The following AXIN2 variants were observed in gnomAD, a reference collection of about 807,000 sequenced individuals.
AXIN2 encodes axin-2.
A neutral mutation model predicts 74.7 loss-of-function variants in AXIN2; 21 were observed. The observed-to-expected ratio is 0.28, with a 90% confidence interval of 0.20 to 0.40. The LOEUF (loss-of-function observed/expected upper bound fraction) is 0.40, where lower values mean the gene tolerates loss of function less well. Ranked by LOEUF, AXIN2 falls within the 10% of genes least tolerant of loss-of-function variation. The probability of loss-of-function intolerance (pLI) is 1.00; values close to 1 mark genes in which losing one functional copy is unlikely to be tolerated. For missense variants in AXIN2, 1,144 were observed against 1,111.1 expected (o/e 1.03, Z -0.42); for synonymous variants, 532 against 454.9 (o/e 1.17, Z -2.16).
chr17:65,536,949 G>A lies in AXIN2; in HGVS notation c.1827C>T (p.Pro609=), dbSNP rs747605090. Residue 609 remains proline, a synonymous_variant, in exon 7 of 11, where the codon CCC becomes CCT. Transcript: ENST00000307078. Reference sequence around the variant, plus strand: ...CCTGCGACCTGTCTCCTTCCTCCCGGGGAAGCTGCAGGGCCCCAGCTCCGC... The same window carrying A: ...CCTGCGACCTGTCTCCTTCCTCCCGAGGAAGCTGCAGGGCCCCAGCTCCGC... ...APGGAGALQL[P]REEGDRSQDV... is the part of the protein sequence containing the mutation. 15 of 1,613,472 alleles carry A rather than the reference G, an allele frequency of 9.3e-6. No individual in the cohort carries two copies. In the East Asian group the frequency reaches 2.0e-4, roughly 22 times the overall value.
At chr17:65,559,398 A>T (rs1326007791) in intron 1 of AXIN2, 1 of 148,800 alleles carries the variant, frequency 6.7e-6, no homozygotes, top group Non-Finnish European at 1.5e-5. Flanking sequence ...GCACGCAAAC[A>T]CCCCCTCCCC....
At position 65,537,704 on chromosome 17, in the gene AXIN2, G is replaced by T; in HGVS notation, c.1332C>A (p.Ser444=). Residue 444 remains serine, a synonymous_variant, in exon 6 of 11, where the codon TCC becomes TCA. Transcript: ENST00000307078. ...DPQTILDDHL[S]RVLKTPGCQS... is the part of the protein sequence containing the mutation. ...GGCAGCCAGGGGTCTTGAGGACCCT[G>T]GACAGGTGATCGTCCAGTATCGTCT... 1 of 1,558,760 alleles carries T rather than the reference G, an allele frequency of 6.4e-7. No homozygotes were observed.
intron 2 of AXIN2, among the ~76,000 whole-genome samples, chr17:65,550,474 C>T (rs958765024): frequency 1.1e-4 from 16 of 152,196 alleles, no homozygotes; most frequent in South Asian, 4.1e-4. Flanking sequence ...AACCAGTGTG[C>T]ACATCTCCTG....
chr17:65,537,526 C>T lies in AXIN2; in HGVS notation c.1510G>A (p.Gly504Ser), dbSNP rs757512425. 28 of 1,613,726 alleles carry T rather than the reference C, an allele frequency of 1.7e-5. No individual in the cohort carries two copies. The highest frequency in any genetic ancestry group is 2.3e-5 in the Non-Finnish European group (27 of 1,179,974). Residue 504 changes from glycine to serine, a missense_variant, in exon 6 of 11, where the codon GGC becomes AGC. By Grantham distance (56) the Gly-to-Ser change is moderately conservative. Around this residue, in one of 4 missense-constraint regions of AXIN2, gnomAD observed 1,053 missense variants for 973.5 expected, o/e 1.08. Coordinates refer to ENST00000307078, the MANE Select transcript of AXIN2 (RefSeq NM_004655.4). The part of the protein sequence containing the change: ...PGACPLLGGK[G>S]FVTKQTTKHV... ...TTCGTCGTCTGCTTGGTCACAAAGC[C>T]TTTGCCCCCGAGGAGGGGGCAGGCG...
chr17:65,552,154 A>G (rs1026910118), intron 2 of AXIN2, among the ~76,000 whole-genome samples: 2 of 152,252 alleles, frequency 1.3e-5, no homozygotes, highest in Non-Finnish European at 2.9e-5. Flanking sequence ...TGGTGAGAGT[A>G]AAAAGAACAG....
chr17:65,534,411 CAAG>C (rs1180065373), intron 9 of AXIN2, among the ~76,000 whole-genome samples: 5 of 152,234 alleles, frequency 3.3e-5, no homozygotes, highest in African/African-American at 4.8e-5. Context: ...GGTGCTTCCT[CAAG>C]AAGATGAGAG....
chr17:65,550,890 C>T (rs372823710), intron 2 of AXIN2, among the ~76,000 whole-genome samples: 13 of 152,188 alleles, frequency 8.5e-5, no homozygotes, highest in East Asian at 3.9e-4. Flanking sequence ...GAGGGAGGTA[C>T]GCTCAGTGTT....
chr17:65,530,976 T>C (rs4076118), intron 10 of AXIN2, among the ~76,000 whole-genome samples: 81,680 of 152,018 alleles, frequency 0.54, 22,631 homozygotes, highest in Non-Finnish European at 0.61. Flanking sequence ...GGCCCACCCC[T>C]AAACCCCTTC....
At chr17:65,543,232 T>C (rs978673601) in intron 3 of AXIN2, among the ~76,000 whole-genome samples, 4 of 152,192 alleles carry the variant, frequency 2.6e-5, no homozygotes, top group Admixed American at 6.5e-5. Flanking sequence ...GACAGAGCAC[T>C]GTGGGAAGGA....
At position 65,537,496 on chromosome 17, in the gene AXIN2, C is replaced by T. The variant is rs2144460017; in HGVS notation, c.1540G>A (p.Val514Ile). The T allele has an allele frequency of 6.2e-7, 1 of 1,613,804 alleles. No individual in the cohort carries two copies. The highest frequency in any genetic ancestry group is 8.5e-7 in the Non-Finnish European group (1 of 1,179,986). The stretch of plus-strand genomic sequence containing the variant: ...TGGTGGTGGATGTAGTGGTGGTGGA[C>T]ATGCTTCGTCGTCTGCTTGGTCACA... ...GFVTKQTTKHVHHHYIHHHAV... is the reference protein window; with the variant it reads ...GFVTKQTTKHIHHHYIHHHAV... The change falls in exon 6 of 11, where the codon GTC (valine) becomes ATC (isoleucine). Residue 514 changes from valine to isoleucine, a missense_variant. Val to Ile is a conservative substitution (Grantham distance 29). This residue lies in a region of AXIN2 where 1,053 missense variants were observed against 973.5 expected (regional missense o/e 1.08). Coordinates refer to ENST00000307078, the MANE Select transcript of AXIN2 (RefSeq NM_004655.4).
In AXIN2 at chr17:65,528,839, G is replaced by A; in HGVS notation, c.*1137C>T. The A allele has an allele frequency of 4.8e-6, 2 of 416,202 alleles. No individual in the cohort carries two copies. The allele number at this position is 416,202 out of a possible 1,614,324, so 25.8% of individuals were successfully genotyped here. ...ACCGTGCAGGTACAGGTACTGTACT[G>A]ATTTAAAGTCAAGCACTAGAGATAG... On this transcript the variant is annotated 3_prime_UTR_variant, in exon 11 of 11. Coordinates refer to ENST00000307078, the MANE Select transcript of AXIN2 (RefSeq NM_004655.4).
At position 65,538,103 on chromosome 17, in the gene AXIN2, C is replaced by A. The variant is rs56248738; in HGVS notation, c.1200+100G>T. 122,884 of 1,580,684 alleles carry A rather than the reference C, an allele frequency of 0.078. 5,146 individuals are homozygous for A. Among genetic ancestry groups the A allele is most frequent in the South Asian group, 0.11 (10,178 of 88,874 alleles). ...CCCACGCGCATGCGCATGCAACCCA[C>A]GCACATGCGCACACCCTAACGCACC... On this transcript the variant is annotated intron_variant, in intron 5 of 10. Transcript: ENST00000307078.
chr17:65,540,857 G>C (rs1304614665), intron 4 of AXIN2, among the ~76,000 whole-genome samples: 1 of 148,660 alleles, frequency 6.7e-6, no homozygotes, highest in African/African-American at 2.4e-5. Flanking sequence ...ATAGCCTGCA[G>C]ATCCATGAAC....
intron 2 of AXIN2, among the ~76,000 whole-genome samples, chr17:65,551,452 GGCCAGGGGACAGCAGGGGT>G (rs1374594058): frequency 1.3e-5 from 2 of 152,176 alleles, no homozygotes; most frequent in African/African-American, 4.8e-5. Context: ...GGGGCCAGGA[GGCCAGGGGACAGCAGGGGT>G]GCCAGGGGAC....
intron 3 of AXIN2, among the ~76,000 whole-genome samples, chr17:65,545,612 C>T (rs2044107542): frequency 1.3e-5 from 2 of 152,044 alleles, no homozygotes; most frequent in African/African-American, 2.4e-5. Flanking sequence ...GCCAAGATCG[C>T]GCCACTGCAC....
rs1555576353 is a variant in AXIN2, at chr17:65,533,927, T to C, written c.2390A>G (p.Lys797Arg). Residue 797 changes from lysine (K) to arginine (R), a missense_variant, in exon 10 of 11, where the codon AAA becomes AGA. Coordinates refer to ENST00000307078, the MANE Select transcript of AXIN2 (RefSeq NM_004655.4). ...TLGHFKEQLSKKGNYRYYFKK... is the reference protein window; with the variant it reads ...TLGHFKEQLSRKGNYRYYFKK... The stretch of plus-strand genomic sequence containing the variant: ...GGACTCTTACCTATAATTTCCCTTT[T>C]TGCTGAGCTGCTCTTTAAAGTGGCC... 6.2e-7 allele frequency: 1 copy of C among 1,614,090 alleles called. No homozygotes were observed. Among genetic ancestry groups the C allele is most frequent in the Non-Finnish European group, 8.5e-7 (1 of 1,179,980 alleles).
intron 3 of AXIN2, among the ~76,000 whole-genome samples, chr17:65,547,933 A>G (rs1300073172): frequency 6.6e-6 from 1 of 152,226 alleles, no homozygotes; most frequent in African/African-American, 2.4e-5. Flanking sequence ...ACACAAACAG[A>G]TCTTGATATT....
chr17:65,544,984 G>T (rs1470266929), intron 3 of AXIN2, among the ~76,000 whole-genome samples: 1 of 152,200 alleles, frequency 6.6e-6, no homozygotes, highest in Non-Finnish European at 1.5e-5. Context: ...GTTAGTATTT[G>T]AAGTTCACTC....
Position 65,538,189 on chromosome 17 carries a change from C to T in AXIN2, c.1200+14G>A, listed in dbSNP as rs1365019394. On this transcript the variant is annotated intron_variant, in intron 5 of 10. Transcript: ENST00000307078. Reference sequence around the variant, plus strand: ...CCGTGGACGGAAGCAGGAAGAAGGCCTAGGCCGCATTACCTCTCGGATCTG... The same window carrying T: ...CCGTGGACGGAAGCAGGAAGAAGGCTTAGGCCGCATTACCTCTCGGATCTG... 6.2e-7 allele frequency: 1 copy of T among 1,614,132 alleles called. No individual in the cohort carries two copies. Among genetic ancestry groups the T allele is most frequent in the Non-Finnish European group, 8.5e-7 (1 of 1,180,044 alleles).
Sources: gnomAD v4.1 joint callset for allele counts (sites outside exome capture counted in the v4.1 genomes callset) on GRCh38, gnomAD v4.1.1 for gene constraint, gnomAD v4.1.1 regional missense constraint, MANE v1.5 for transcripts, NCBI Gene and HGNC (gene_info 2026-07-23, HGNC 2026-07-21) for gene names.